The following DLGAP2 variants were observed in gnomAD, a reference collection of about 807,000 sequenced individuals.
The protein encoded by DLGAP2 is DLG associated protein 2, also known as disks large-associated protein 2.
Under a neutral mutation model 100.3 loss-of-function variants are expected in DLGAP2, and 26 were observed. The observed-to-expected ratio is 0.26, with a 90% CI of 0.19 to 0.36. The LOEUF (loss-of-function observed/expected upper bound fraction) is 0.36, where lower values mean the gene tolerates loss of function less well. Ranked by LOEUF, DLGAP2 falls within the 10% of genes least tolerant of loss-of-function variation. The probability of loss-of-function intolerance (pLI) is 1.00; values close to 1 mark genes in which losing one functional copy is unlikely to be tolerated. For synonymous variants in DLGAP2, 886 were observed against 630.1 expected, an observed-to-expected ratio of 1.41 and a Z score of -6.08; for missense variants, 1,858 against 1,453.2, an observed-to-expected ratio of 1.28 and a Z score of -4.53.
rs140833418 is a variant in DLGAP2 at position 1,446,802 on chromosome 8, A to G, written c.107-54564A>G. Among the ~76,000 whole-genome samples, 6 of 152,218 alleles carry G rather than the reference A, an allele frequency of 3.9e-5. No homozygotes were observed. The East Asian group carries it at 1.2e-3, about 29-fold the overall frequency. On this transcript the variant is annotated intron_variant, in intron 3 of 14. Coordinates refer to ENST00000637795, the MANE Select transcript of DLGAP2 (RefSeq NM_001346810.2). ...GTTTTTAGTTCTCATTAAAGAGGTC[A>G]TTCACATCCCTTGTAAGTTGGATTC...
At chr8:1,671,745 G>A (rs17829167) in intron 10 of DLGAP2, among the ~76,000 whole-genome samples, 449 of 152,242 alleles carry the variant, frequency 2.9e-3, no homozygotes, top group African/African-American at 0.01. Context: ...CAAGTCCCCT[G>A]TTCCTCAGAT....
intron 3 of DLGAP2, among the ~76,000 whole-genome samples, chr8:1,333,299 C>T (rs1801199895): frequency 6.6e-6 from 1 of 152,146 alleles, no homozygotes; most frequent in African/African-American, 2.4e-5. Context: ...AGTCTCAGGA[C>T]ACGGGGACGG....
At chr8:855,392 A>G (rs1797258876) in intron 1 of DLGAP2, among the ~76,000 whole-genome samples, 1 of 152,134 alleles carries the variant, frequency 6.6e-6, no homozygotes, top group African/African-American at 2.4e-5. Flanking sequence ...GCTGAGTGTG[A>G]GCTGCAGGAA....
chr8:816,970 C>G (rs1309294736), intron 1 of DLGAP2, among the ~76,000 whole-genome samples: 4 of 152,100 alleles, frequency 2.6e-5, no homozygotes, highest in African/African-American at 7.2e-5. Context: ...GAAACCCTGT[C>G]TCTACTAAAA....
chr8:1,074,727 A>C (rs1051558684), intron 2 of DLGAP2, among the ~76,000 whole-genome samples: 6 of 152,212 alleles, frequency 3.9e-5, no homozygotes, highest in African/African-American at 1.4e-4. Flanking sequence ...TCGTCTTTCC[A>C]GTGACCAGGT....
intron 2 of DLGAP2, among the ~76,000 whole-genome samples, chr8:1,191,384 A>C (rs943006358): frequency 6.6e-6 from 1 of 151,978 alleles, no homozygotes; most frequent in Non-Finnish European, 1.5e-5. Flanking sequence ...GTTAGCCAGG[A>C]TGGTCTTGAT....
chr8:967,681 A>G (rs1480034295), intron 2 of DLGAP2, among the ~76,000 whole-genome samples: 2 of 146,734 alleles, frequency 1.4e-5, no homozygotes, highest in African/African-American at 2.5e-5. Context: ...ACAAATACCT[A>G]TGTACATTTA....
chr8:1,196,037 A>C (rs1040578188), intron 2 of DLGAP2, among the ~76,000 whole-genome samples: 16 of 152,206 alleles, frequency 1.1e-4, no homozygotes, highest in African/African-American at 3.9e-4. Flanking sequence ...AATAGCCATG[A>C]CGTAGAGAAA....
rs577789603 is a variant in DLGAP2 at position 1,291,121 on chromosome 8, A to T, written c.106+32238A>T. ...ATAATAACATCATGAAGAAAACTTA[A>T]TATCTAGGTAACAGTCATCACGATG... On this transcript the variant is annotated intron_variant, in intron 3 of 14. Coordinates refer to ENST00000637795, the MANE Select transcript of DLGAP2 (RefSeq NM_001346810.2). Among the ~76,000 whole-genome samples, 3 of 152,340 alleles carry T rather than the reference A, an allele frequency of 2.0e-5. No homozygotes were observed. In the East Asian group the frequency reaches 5.8e-4, roughly 29 times the overall value.
chr8:1,532,772 C>T (rs1025088915), intron 4 of DLGAP2, among the ~76,000 whole-genome samples: 3 of 152,186 alleles, frequency 2.0e-5, no homozygotes, highest in Non-Finnish European at 4.4e-5. Context: ...CTGCTTTCTA[C>T]TGACGTCAGT....
intron 3 of DLGAP2, among the ~76,000 whole-genome samples, chr8:1,365,447 G>A (rs1802087925): frequency 6.6e-6 from 1 of 152,142 alleles, no homozygotes; most frequent in Non-Finnish European, 1.5e-5. Context: ...GAGCTCACTG[G>A]AATCCACAGG....
chr8:1,571,306 C>G (rs1971655), intron 6 of DLGAP2, among the ~76,000 whole-genome samples: 423 of 91,164 alleles, frequency 4.6e-3, no homozygotes, highest in African/African-American at 8.4e-3. Context: ...GTGAACTGTG[C>G]GGGCATCTGA....
At chr8:975,053 G>C (rs1401112028) in intron 2 of DLGAP2, among the ~76,000 whole-genome samples, 1 of 152,168 alleles carries the variant, frequency 6.6e-6, no homozygotes, top group Non-Finnish European at 1.5e-5. Context: ...AGAAATGAAA[G>C]AAGGGCCATC....
rs79472266 is a variant in DLGAP2 at position 761,188 on chromosome 8, C to A, written c.18+23363C>A. Among the ~76,000 whole-genome samples, 197 of 152,270 alleles carry A rather than the reference C, an allele frequency of 1.3e-3. 1 individual carries two copies. Among genetic ancestry groups the A allele is most frequent in the African/African-American group, 4.5e-3 (185 of 41,566 alleles). ...GGGCCAGGCCCCTTCTCTGCTCCCC[C>A]CCACTTTACTTTCTCCTCTGCTCCC... On this transcript the variant is annotated intron_variant, in intron 1 of 14. Coordinates refer to ENST00000637795, the MANE Select transcript of DLGAP2 (RefSeq NM_001346810.2).
At chr8:965,024 GC>G (rs1799814865) in intron 2 of DLGAP2, among the ~76,000 whole-genome samples, 2 of 147,268 alleles carry the variant, frequency 1.4e-5, no homozygotes, top group Non-Finnish European at 3.0e-5. Context: ...TGACCCCTGC[GC>G]TGCACATGGC....
chr8:745,537 A>G (rs903386100), intron 1 of DLGAP2, among the ~76,000 whole-genome samples: 2 of 152,254 alleles, frequency 1.3e-5, no homozygotes, highest in African/African-American at 2.4e-5. Flanking sequence ...TCAATTTTAA[A>G]AAAACTCTTC....
chr8:816,966 C>A (rs372626831), intron 1 of DLGAP2, among the ~76,000 whole-genome samples: 24 of 152,124 alleles, frequency 1.6e-4, no homozygotes, highest in African/African-American at 4.6e-4. Flanking sequence ...CGGTGAAACC[C>A]TGTCTCTACT....
At chr8:1,210,516 G>A (rs1798081527) in intron 2 of DLGAP2, among the ~76,000 whole-genome samples, 1 of 152,210 alleles carries the variant, frequency 6.6e-6, no homozygotes, top group South Asian at 2.1e-4. Context: ...CAGCTCTGCT[G>A]AAACGTAGAA....
chr8:881,666 A>ATATATATATATATATATATATATATGC, intron 1 of DLGAP2, among the ~76,000 whole-genome samples: 1 of 131,048 alleles, frequency 7.6e-6, no homozygotes, highest in African/African-American at 2.7e-5. Flanking sequence ...CTTGTGGCTG[A>ATATATATATATATATATATATATATGC]ACACACACAC....
Sources: allele counts gnomAD v4.1 joint callset (sites outside exome capture counted in the v4.1 genomes callset), GRCh38; gene constraint gnomAD v4.1.1; transcripts MANE v1.5; gene names NCBI Gene and HGNC (gene_info 2026-07-23, HGNC 2026-07-21).